The following ZNF461 variants were observed in gnomAD, a reference collection of about 807,000 sequenced individuals.
ZNF461 encodes gonadotropin-inducible ovarian transcription factor-1.
A neutral mutation model predicts 18.3 loss-of-function variants in ZNF461; 16 were observed. The observed-to-expected ratio is 0.88, with a 90% CI of 0.59 to 1.33. The LOEUF is 1.33. Ranked by LOEUF, ZNF461 falls within the 40% of genes most tolerant of loss-of-function variation. The pLI is 0.00. For missense variants in ZNF461, 595 were observed against 669.9 expected, an observed-to-expected ratio of 0.89 and a Z score of 1.23; for synonymous variants, 179 against 216.9, an observed-to-expected ratio of 0.83 and a Z score of 1.54.
intron 2 of ZNF461, among the ~76,000 whole-genome samples, chr19:36,663,559 AC>A (rs1360999880): frequency 2.2e-5 from 3 of 139,304 alleles, no homozygotes. Context: ...TTGCCTTGTC[AC>A]CCAGGCTGGA....
At chr19:36,640,209 G>C (rs79376611) in intron 5 of ZNF461, 166 bp from the exon 6 acceptor site, 1 of 546,808 alleles carries the variant, frequency 1.8e-6, no homozygotes, top group Admixed American at 3.6e-5. Flanking sequence ...GCACTCAAAT[G>C]AAGTAGTTAA....
At chr19:36,653,446 T>C (rs2037662707) in intron 4 of ZNF461, among the ~76,000 whole-genome samples, 1 of 152,168 alleles carries the variant, frequency 6.6e-6, no homozygotes, top group African/African-American at 2.4e-5. Context: ...CCAAGGTGTA[T>C]TAGTCTGCTC....
chr19:36,639,171 TC>T lies in ZNF461; in HGVS notation c.1173del (p.Lys392ArgfsTer37), dbSNP rs2037363119. 5.6e-6 allele frequency: 9 copies of T among 1,614,078 alleles called. No individual in the cohort carries two copies. The East Asian group carries it at 2.0e-4, about 36-fold the overall frequency. On this transcript the variant is annotated frameshift_variant, in exon 6 of 6. Coordinates refer to ENST00000588268, the MANE Select transcript of ZNF461 (RefSeq NM_153257.5). LOFTEE classifies it low-confidence loss of function (END_TRUNC). ...AAGCTTGAGTGATAGCTAAAGGCCTTCCCACATTCCCGACATTCATAGGGTT... is the reference window on the plus strand; with the variant it reads ...AAGCTTGAGTGATAGCTAAAGGCCTTCCACATTCCCGACATTCATAGGGTT... The part of the protein sequence containing the change: ...GEKPYECREC[G>X]KAFSYHSSFS...
intron 2 of ZNF461, among the ~76,000 whole-genome samples, chr19:36,663,569 G>A (rs117794339): frequency 0.018 from 2,705 of 149,186 alleles, 39 homozygotes; most frequent in Non-Finnish European, 0.029. Context: ...ACCCAGGCTG[G>A]AGTGCAGTGG....
At chr19:36,651,351 T>C (rs1279568923) in intron 4 of ZNF461, among the ~76,000 whole-genome samples, 1 of 152,036 alleles carries the variant, frequency 6.6e-6, no homozygotes, top group African/African-American at 2.4e-5. Flanking sequence ...ACCACCCTTA[T>C]TCAACATAGT....
intron 4 of ZNF461, among the ~76,000 whole-genome samples, chr19:36,644,331 C>T (rs1017545217): frequency 3.0e-4 from 45 of 152,012 alleles, no homozygotes; most frequent in African/African-American, 1.0e-3. Context: ...TGCAATGGTG[C>T]GATCTTGGCT....
chr19:36,644,039 T>G (rs989502081), intron 4 of ZNF461, among the ~76,000 whole-genome samples, 177 bp from the exon 5 acceptor site: 12 of 152,166 alleles, frequency 7.9e-5, no homozygotes, highest in African/African-American at 2.9e-4. Context: ...TTCAAGCGAT[T>G]CTCCTGCTTC....
At position 36,639,268 on chromosome 19, in the gene ZNF461, A is replaced by G; in HGVS notation, c.1077T>C (p.Cys359=). ...RLHTGEKPYE[C]KECGKTFRHR... is the part of the protein sequence containing the mutation. ...GCCTAAAAGTCTTTCCACATTCTTT[A>G]CATTCATAAGGTTTCTCTCCAGTAT... The change falls in exon 6 of 6, where the codon TGT becomes TGC. Residue 359 remains cysteine, a synonymous_variant. Transcript: ENST00000588268. The G allele has an allele frequency of 6.2e-7, 1 of 1,614,118 alleles. No homozygotes were observed. The highest frequency in any genetic ancestry group is 8.5e-7 in the Non-Finnish European group (1 of 1,180,014).
chr19:36,656,737 C>T (rs7254978), intron 3 of ZNF461, among the ~76,000 whole-genome samples, 194 bp from the exon 4 acceptor site: 45,300 of 151,734 alleles, frequency 0.3, 6,811 homozygotes, highest in African/African-American at 0.33. Flanking sequence ...AGCAAACAAA[C>T]AGGCGATAAA....
In ZNF461 at chr19:36,654,060, C is replaced by T. The variant is rs1274162240; in HGVS notation, c.232+2388G>A. Among the ~76,000 whole-genome samples the T allele has an allele frequency of 3.9e-5, 6 of 151,976 alleles. No homozygotes were observed. The East Asian group carries it at 1.2e-3, about 29-fold the overall frequency. On this transcript the variant is annotated intron_variant, in intron 4 of 5. Coordinates refer to ENST00000588268, the MANE Select transcript of ZNF461 (RefSeq NM_153257.5). ...TACTATAGTTGGGTAAGGTATTAAC[C>T]CTGGGGGAAGCTGCAAAGGGGGTAC... is the stretch of plus-strand genomic sequence containing the variant.
intron 4 of ZNF461, among the ~76,000 whole-genome samples, chr19:36,656,060 C>T (rs1171181150): frequency 2.0e-5 from 3 of 147,794 alleles, no homozygotes; most frequent in African/African-American, 5.0e-5. Context: ...TGCTGTGGCG[C>T]GATCTCCGCT....
intron 4 of ZNF461, among the ~76,000 whole-genome samples, chr19:36,655,993 T>C (rs535232800): frequency 4.5e-4 from 67 of 147,490 alleles, no homozygotes; most frequent in African/African-American, 1.6e-3. Context: ...TCCTTTAGAA[T>C]ATCTTTTTTT....
intron 4 of ZNF461, among the ~76,000 whole-genome samples, chr19:36,652,581 A>G (rs1408175909): frequency 6.6e-6 from 1 of 152,102 alleles, no homozygotes; most frequent in African/African-American, 2.4e-5. Context: ...GTAGGCAAAC[A>G]GTTCTTAGAC....
chr19:36,654,686 G>A (rs1339654152), intron 4 of ZNF461, among the ~76,000 whole-genome samples: 6 of 151,924 alleles, frequency 3.9e-5, no homozygotes, highest in Non-Finnish European at 5.9e-5. Flanking sequence ...GCACTTCAAT[G>A]AATCACAGAC....
At position 36,638,628 on chromosome 19, in the gene ZNF461, C is replaced by T; in HGVS notation, c.*25G>A. The T allele has an allele frequency of 6.6e-7, 1 of 1,520,406 alleles. No individual in the cohort carries two copies. The highest frequency in any genetic ancestry group is 1.3e-5 in the South Asian group (1 of 77,394). 94.2% of individuals were successfully genotyped at this position (1,520,406 alleles called of 1,614,324 possible). ...ACTTTTTCCTTAAATAAAACAAAGA[C>T]AATGTATATTTCCATCAACAAATTT... On this transcript the variant is annotated 3_prime_UTR_variant, in exon 6 of 6. Coordinates refer to ENST00000588268, the MANE Select transcript of ZNF461 (RefSeq NM_153257.5).
rs780485641 is a variant in ZNF461, at chr19:36,659,664, ATTCCATTG to A, written c.10-1247_10-1240del. Among the ~76,000 whole-genome samples the A allele has an allele frequency of 3.3e-4, 51 of 152,294 alleles. No individual in the cohort carries two copies. The South Asian group carries it at 3.7e-3, about 11-fold the overall frequency. On this transcript the variant is annotated intron_variant, in intron 2 of 5. Coordinates refer to ENST00000588268, the MANE Select transcript of ZNF461 (RefSeq NM_153257.5). ...CTCTACGGTATTTTCTAAGGTACAT[ATTCCATTG>A]TTTTGCAATCACACCTGAGAGGTCT...
At chr19:36,645,503 C>G (rs1244015070) in intron 4 of ZNF461, among the ~76,000 whole-genome samples, 3 of 151,782 alleles carry the variant, frequency 2.0e-5, no homozygotes, top group Non-Finnish European at 2.9e-5. Flanking sequence ...ACTTTATTTC[C>G]CACTTTATTG....
intron 2 of ZNF461, 24 bp downstream of exon 2, chr19:36,664,674 A>C (rs1600451707): frequency 1.3e-6 from 2 of 1,518,078 alleles, no homozygotes; most frequent in South Asian, 1.3e-5. Flanking sequence ...TATTGTAATT[A>C]GGAGCAAGAA....
chr19:36,641,717 T>C (rs565263143), intron 5 of ZNF461, among the ~76,000 whole-genome samples: 2 of 151,986 alleles, frequency 1.3e-5, no homozygotes, highest in African/African-American at 4.8e-5. Flanking sequence ...AAGATAACAA[T>C]TGACAATCAT....
Sources: gnomAD v4.1 joint callset for allele counts (sites outside exome capture counted in the v4.1 genomes callset) on GRCh38, gnomAD v4.1.1 for gene constraint, MANE v1.5 for transcripts, NCBI Gene and HGNC (gene_info 2026-07-23, HGNC 2026-07-21) for gene names.